MAPKAP1: variants seen among roughly 807,000 people sequenced by gnomAD.
MAPKAP1 encodes target of rapamycin complex 2 subunit MAPKAP1.
In MAPKAP1, 20 loss-of-function variants were observed where a neutral mutation model predicts 65.7. The ratio of observed to expected loss-of-function variants is 0.30; its 90% CI spans 0.21 to 0.44. MAPKAP1 has a LOEUF of 0.44. Ranked by LOEUF, MAPKAP1 falls within the 20% of genes least tolerant of loss-of-function variation. The pLI is 1.00. For missense variants in MAPKAP1, 423 were observed against 648.0 expected (o/e 0.65, Z 3.77); for synonymous variants, 222 against 244.3 (o/e 0.91, Z 0.85).
chr9:125,629,441 C>T (rs907029851), intron 4 of MAPKAP1, among the ~76,000 whole-genome samples: 1 of 152,162 alleles, frequency 6.6e-6, no homozygotes, highest in East Asian at 1.9e-4. Flanking sequence ...GAAATCCTGT[C>T]CTATGCTACA....
intron 10 of MAPKAP1, among the ~76,000 whole-genome samples, chr9:125,466,650 T>G (rs1853689166): frequency 6.6e-6 from 1 of 152,162 alleles, no homozygotes; most frequent in African/African-American, 2.4e-5. Flanking sequence ...TCCAGCAACC[T>G]TGAGGCAAGG....
At chr9:125,684,831 A>G (rs990083553) in intron 1 of MAPKAP1, among the ~76,000 whole-genome samples, 1 of 152,060 alleles carries the variant, frequency 6.6e-6, no homozygotes. Context: ...ACAAGCATGC[A>G]CTACCACACC....
intron 9 of MAPKAP1, among the ~76,000 whole-genome samples, chr9:125,481,849 G>A (rs977787621): frequency 6.6e-6 from 1 of 152,018 alleles, no homozygotes; most frequent in Non-Finnish European, 1.5e-5. Context: ...CTGAAAGTGT[G>A]GCCAGGCGTG....
At chr9:125,546,962 C>A (rs142407692) in intron 6 of MAPKAP1, among the ~76,000 whole-genome samples, 1 of 152,126 alleles carries the variant, frequency 6.6e-6, no homozygotes, top group South Asian at 2.1e-4. Flanking sequence ...GCCCTTCCCA[C>A]GGCTCCTTGG....
chr9:125,698,302 T>TATAAA (rs1835476076), intron 1 of MAPKAP1, among the ~76,000 whole-genome samples: 3 of 21,856 alleles, frequency 1.4e-4, no homozygotes, highest in African/African-American at 4.8e-4. Context: ...TATATATATA[T>TATAAA]ATATATATAT....
chr9:125,665,366 A>G (rs1267503253), intron 3 of MAPKAP1, among the ~76,000 whole-genome samples: 1 of 152,114 alleles, frequency 6.6e-6, no homozygotes, highest in Non-Finnish European at 1.5e-5. Context: ...CATACTATAT[A>G]CCCTGAGCTG....
rs748314638 is a variant in MAPKAP1 at position 125,559,834 on chromosome 9, G to A, written c.672-25C>T. On this transcript the variant is annotated intron_variant, in intron 5 of 11. Transcript: ENST00000265960. ...ACTGAAAGGAAAACCAAAAAGGCGA[G>A]TGAATACCAAGGTAGGGAAGGGACA... 4.4e-6 allele frequency: 7 copies of A among 1,598,224 alleles called. No homozygotes were observed. The Admixed American group carries it at 1.2e-4, about 27-fold the overall frequency.
chr9:125,628,200 G>A (rs189677659), intron 4 of MAPKAP1, among the ~76,000 whole-genome samples: 180 of 152,250 alleles, frequency 1.2e-3, no homozygotes, highest in Non-Finnish European at 1.9e-3. Flanking sequence ...AATCTTAAAG[G>A]ATAAACAGCA....
intron 4 of MAPKAP1, among the ~76,000 whole-genome samples, chr9:125,605,448 TG>T (rs944761299): frequency 2.6e-5 from 4 of 152,196 alleles, no homozygotes; most frequent in Non-Finnish European, 5.9e-5. Context: ...TTTTAAAATA[TG>T]GGTTTTATGG....
At chr9:125,664,172 C>G (rs829319) in intron 3 of MAPKAP1, among the ~76,000 whole-genome samples, 77,392 of 150,810 alleles carry the variant, frequency 0.51, 20,715 homozygotes, top group East Asian at 0.67. Context: ...CATGGTAAAA[C>G]CCCGTCTCTA....
intron 7 of MAPKAP1, among the ~76,000 whole-genome samples, chr9:125,508,650 G>A (rs1028491553): frequency 6.6e-6 from 1 of 152,062 alleles, no homozygotes; most frequent in Non-Finnish European, 1.5e-5. Context: ...CCAGGAGTTT[G>A]AGGCCAGCCT....
intron 6 of MAPKAP1, among the ~76,000 whole-genome samples, chr9:125,554,295 C>T (rs1168929426): frequency 5.9e-5 from 9 of 152,140 alleles, no homozygotes; most frequent in Non-Finnish European, 5.9e-5. Flanking sequence ...ACACAAGTAT[C>T]AGTCAGGCAG....
chr9:125,694,967 AG>A (rs1365208562), intron 1 of MAPKAP1, among the ~76,000 whole-genome samples: 1 of 152,240 alleles, frequency 6.6e-6, no homozygotes, highest in East Asian at 1.9e-4. Flanking sequence ...TGCCTAGTTT[AG>A]GATAGATAAA....
In MAPKAP1 at chr9:125,638,731, A is replaced by C. The variant is rs140664673; in HGVS notation, c.498+18920T>G. ...CACCCTTTAAGACTGCAGCACATAA[A>C]GCATTCTGTCATCAGGAGAATAGTG... On this transcript the variant is annotated intron_variant, in intron 4 of 11. Transcript: ENST00000265960. Among the ~76,000 whole-genome samples, 197 of 152,348 alleles carry C rather than the reference A, an allele frequency of 1.3e-3. 1 individual carries two copies. The highest frequency in any genetic ancestry group is 4.6e-3 in the African/African-American group (190 of 41,576).
At chr9:125,493,986 A>G (rs1478048823) in intron 8 of MAPKAP1, among the ~76,000 whole-genome samples, 1 of 152,070 alleles carries the variant, frequency 6.6e-6, no homozygotes, top group Non-Finnish European at 1.5e-5. Flanking sequence ...GAAATGCATA[A>G]CTCCATGGGC....
rs961563616 is a variant in MAPKAP1 at position 125,521,882 on chromosome 9, T to C, written c.959-15465A>G. On this transcript the variant is annotated intron_variant, in intron 7 of 11. Transcript: ENST00000265960. ...CAGTGGAGAGCAAGCTTAGAGCCAA[T>C]TGTTTTCAGTCAGCAGACTCTGTTA... The C allele has an allele frequency of 2.1e-4, 181 of 863,452 alleles. 1 individual carries two copies. The Admixed American group carries it at 2.6e-3, about 12-fold the overall frequency. 53.5% of individuals were successfully genotyped at this position (863,452 alleles called of 1,614,324 possible).
intron 7 of MAPKAP1, among the ~76,000 whole-genome samples, chr9:125,522,334 A>G (rs1044249913): frequency 2.0e-5 from 3 of 152,226 alleles, no homozygotes; most frequent in East Asian, 1.9e-4. Flanking sequence ...TGTGCTTCCA[A>G]TGACGACACT....
chr9:125,489,334 GA>G (rs1854615722), intron 8 of MAPKAP1, among the ~76,000 whole-genome samples: 1 of 152,170 alleles, frequency 6.6e-6, no homozygotes, highest in African/African-American at 2.4e-5. Flanking sequence ...CCTCGTGAAT[GA>G]CAAGATAAAT....
At chr9:125,511,980 T>C (rs573765382) in intron 7 of MAPKAP1, among the ~76,000 whole-genome samples, 1 of 152,214 alleles carries the variant, frequency 6.6e-6, no homozygotes, top group South Asian at 2.1e-4. Flanking sequence ...TTGGGCACTT[T>C]GGGAGGGTTC....
Sources: allele counts gnomAD v4.1 joint callset (sites outside exome capture counted in the v4.1 genomes callset), GRCh38; gene constraint gnomAD v4.1.1; transcripts MANE v1.5; gene names NCBI Gene and HGNC (gene_info 2026-07-23, HGNC 2026-07-21).